Variants in RAMP1 observed in about 807,000 individuals in gnomAD.
RAMP1 encodes the protein receptor activity modifying protein 1.
Under a neutral mutation model 8.2 loss-of-function variants are expected in RAMP1, and 7 were observed. The ratio of observed to expected loss-of-function variants is 0.85; its 90% CI spans 0.49 to 1.60. RAMP1 has a LOEUF of 1.60. Among genes scored for constraint, RAMP1 ranks in the 40% most tolerant of loss-of-function variants. The pLI is 0.00. For missense variants in RAMP1, 192 were observed against 202.4 expected, an observed-to-expected ratio of 0.95 and a Z score of 0.31; for synonymous variants, 92 against 84.7, an observed-to-expected ratio of 1.09 and a Z score of -0.47.
chr2:237,903,055 C>T (rs2062620440), intron 2 of RAMP1, among the ~76,000 whole-genome samples: 2 of 152,132 alleles, frequency 1.3e-5, no homozygotes, highest in South Asian at 2.1e-4. Flanking sequence ...GACTGGGTCT[C>T]ACTAGGTTGC....
rs954532386 is a variant in RAMP1, at chr2:237,862,382, C to T, written c.52+2655C>T. Reference sequence around the variant, plus strand: ...AATTTCTGGATTTTTGTCTTCCTTCCACAGGCGCATGCCTGTCAGCGTGCT... The same window carrying T: ...AATTTCTGGATTTTTGTCTTCCTTCTACAGGCGCATGCCTGTCAGCGTGCT... On this transcript the variant is annotated intron_variant, in intron 1 of 2. Transcript: ENST00000254661. This position sits in a 1 kb window ranked among gnomAD's most constrained non-coding sequence, Gnocchi z 4.0. 6.6e-6 allele frequency among the ~76,000 whole-genome samples: 1 copy of T among 152,170 alleles called. No individual in the cohort carries two copies. The highest frequency in any genetic ancestry group is 2.4e-5 in the African/African-American group (1 of 41,422).
chr2:237,900,044 A>G (rs1033532321), intron 2 of RAMP1, among the ~76,000 whole-genome samples: 2 of 152,226 alleles, frequency 1.3e-5, no homozygotes, highest in African/African-American at 2.4e-5. Context: ...TTGATAGTTT[A>G]TAATTTAACC....
At chr2:237,908,180 G>A (rs1446422485) in intron 2 of RAMP1, among the ~76,000 whole-genome samples, 1 of 152,216 alleles carries the variant, frequency 6.6e-6, no homozygotes, top group East Asian at 1.9e-4. Context: ...CTGTGCTGCA[G>A]CATGGATCTT....
intron 1 of RAMP1, among the ~76,000 whole-genome samples, chr2:237,861,736 G>A (rs1243864318): frequency 2.6e-5 from 4 of 151,764 alleles, no homozygotes; most frequent in South Asian, 2.1e-4. Context: ...CTATAATCCC[G>A]GCTACTTGGG....
In RAMP1 at chr2:237,877,882, G is replaced by C; in HGVS notation, c.191+520G>C. ...AGCCGAACCCTTCCCCACCTGGCCCGATCCTCCTGCCCAAGGGCCCTTCTT... is the reference window on the plus strand; with the variant it reads ...AGCCGAACCCTTCCCCACCTGGCCCCATCCTCCTGCCCAAGGGCCCTTCTT... On this transcript the variant is annotated intron_variant, in intron 2 of 2. Coordinates refer to ENST00000254661, the MANE Select transcript of RAMP1 (RefSeq NM_005855.4). The surrounding 1 kb of genome is among the most constrained non-coding windows in gnomAD (Gnocchi z 4.4). The C allele has an allele frequency of 2.2e-6, 2 of 900,018 alleles. No individual in the cohort carries two copies. Among genetic ancestry groups the C allele is most frequent in the Middle Eastern group, 5.6e-4 (1 of 1,770 alleles). The allele number at this position is 900,018 out of a possible 1,614,324, so 55.8% of individuals were successfully genotyped here.
chr2:237,876,600 A>G (rs1264077158), intron 1 of RAMP1, among the ~76,000 whole-genome samples: 1 of 152,132 alleles, frequency 6.6e-6, no homozygotes, highest in Non-Finnish European at 1.5e-5. Flanking sequence ...CTGAGGAGGA[A>G]GAAGAAGCCT....
intron 2 of RAMP1, among the ~76,000 whole-genome samples, chr2:237,900,441 G>A (rs966323882): frequency 7.2e-6 from 1 of 138,506 alleles, no homozygotes; most frequent in Non-Finnish European, 1.5e-5. Context: ...TATTACAGGC[G>A]TGAGCCACCG....
intron 2 of RAMP1, among the ~76,000 whole-genome samples, chr2:237,881,285 G>A (rs979279142): frequency 3.3e-5 from 5 of 152,222 alleles, no homozygotes; most frequent in African/African-American, 1.2e-4. Flanking sequence ...CCGCCGTGCA[G>A]AGTCTTTCAG....
rs571176833 is a variant in RAMP1 at position 237,905,144 on chromosome 2, C to G, written c.192-6384C>G. On this transcript the variant is annotated intron_variant, in intron 2 of 2. Coordinates refer to ENST00000254661, the MANE Select transcript of RAMP1 (RefSeq NM_005855.4). ...GGTCCTAGCCAAAAAAGGATAATTA[C>G]TCAGTGACACGAGAACTGAAACTTT... Among the ~76,000 whole-genome samples, 3 of 152,328 alleles carry G rather than the reference C, an allele frequency of 2.0e-5. No individual in the cohort carries two copies. In the East Asian group the frequency reaches 5.8e-4, roughly 29 times the overall value.
chr2:237,866,792 G>A (rs1438115754), intron 1 of RAMP1, among the ~76,000 whole-genome samples: 4 of 151,028 alleles, frequency 2.6e-5, no homozygotes, highest in African/African-American at 4.9e-5. Context: ...ACAGTGGTGC[G>A]ATCTTGGCTC....
Position 237,877,018 on chromosome 2 carries a change from C to A in RAMP1, c.53-206C>A, listed in dbSNP as rs78786547. On this transcript the variant is annotated intron_variant, in intron 1 of 2. Transcript: ENST00000254661. The surrounding 1 kb of genome is among the most constrained non-coding windows in gnomAD (Gnocchi z 4.4). ...GCTGGCACGGGCACTGAGGGCCAAG[C>A]CACCCTTAGCAGGCAGGGAGGGCCT... Among the ~76,000 whole-genome samples the A allele has an allele frequency of 0.13, 19,115 of 152,250 alleles. 1,273 individuals carry two copies. Among genetic ancestry groups the A allele is most frequent in the Middle Eastern group, 0.2 (60 of 294 alleles).
At chr2:237,861,940 A>T (rs1224338574) in intron 1 of RAMP1, among the ~76,000 whole-genome samples, 1 of 152,104 alleles carries the variant, frequency 6.6e-6, no homozygotes, top group Non-Finnish European at 1.5e-5. Context: ...CTCTACATGC[A>T]TTCTGAAAAG....
chr2:237,899,921 GAAAA>G (rs1216402319), intron 2 of RAMP1, among the ~76,000 whole-genome samples: 1 of 150,378 alleles, frequency 6.6e-6, no homozygotes, highest in Non-Finnish European at 1.5e-5. Flanking sequence ...CAATTAAAAA[GAAAA>G]AAAAAGAATT....
rs534550701 is a variant in RAMP1, at chr2:237,860,732, G to A, written c.52+1005G>A. On this transcript the variant is annotated intron_variant, in intron 1 of 2. Transcript: ENST00000254661. The stretch of plus-strand genomic sequence containing the variant: ...GTGATGTTGGTCAGAGGCACCTGCC[G>A]CACAAGACCTCTTTGGCGCTGGCAC... 1.3e-4 allele frequency among the ~76,000 whole-genome samples: 20 copies of A among 152,298 alleles called. No individual in the cohort carries two copies. The South Asian group carries it at 4.1e-3, about 32-fold the overall frequency.
chr2:237,870,733 A>C (rs1021453543), intron 1 of RAMP1, among the ~76,000 whole-genome samples: 1 of 152,156 alleles, frequency 6.6e-6, no homozygotes, highest in Admixed American at 6.5e-5. Flanking sequence ...GATGGAGGGT[A>C]CTGTGTGCAG....
At chr2:237,901,610 A>G (rs1172072919) in intron 2 of RAMP1, among the ~76,000 whole-genome samples, 2 of 152,086 alleles carry the variant, frequency 1.3e-5, no homozygotes, top group Non-Finnish European at 2.9e-5. Context: ...GAGGGGACCC[A>G]GTTGAGTGAC....
At chr2:237,875,773 G>A (rs1301139311) in intron 1 of RAMP1, among the ~76,000 whole-genome samples, 1 of 152,192 alleles carries the variant, frequency 6.6e-6, no homozygotes, top group Non-Finnish European at 1.5e-5. Flanking sequence ...TGTGCAGTGT[G>A]TGGGATCCGT....
intron 1 of RAMP1, among the ~76,000 whole-genome samples, chr2:237,863,489 G>A (rs1348270218): frequency 9.9e-5 from 15 of 152,188 alleles, no homozygotes; most frequent in Admixed American, 9.8e-4. Context: ...TTAGTGAGGA[G>A]GATGCGTCAA....
chr2:237,879,553 G>A (rs1353634124), intron 2 of RAMP1, among the ~76,000 whole-genome samples: 12 of 137,406 alleles, frequency 8.7e-5, no homozygotes, highest in Admixed American at 2.9e-4. Flanking sequence ...GGTTTGTTAC[G>A]TATGTATACA....
Sources: allele counts gnomAD v4.1 joint callset (sites outside exome capture counted in the v4.1 genomes callset), GRCh38; gene constraint gnomAD v4.1.1; non-coding constraint Gnocchi (gnomAD v3.1); transcripts MANE v1.5; gene names NCBI Gene and HGNC (gene_info 2026-07-23, HGNC 2026-07-21).